Variants in SLC9C1 observed in about 807,000 individuals in gnomAD.
The protein encoded by SLC9C1 is solute carrier family 9 member C1.
SLC9C1 carries 97 observed loss-of-function variants against 140.9 expected under a neutral mutation model. That is an observed-to-expected ratio of 0.69 (90% CI 0.58 to 0.82). SLC9C1 has a LOEUF of 0.82. SLC9C1 is among the 40% of genes least tolerant of loss of function. SLC9C1 has a pLI of 0.00. For missense variants in SLC9C1, 1,340 were observed against 1,389.3 expected (o/e 0.96, Z 0.56); for synonymous variants, 440 against 442.6 (o/e 0.99, Z 0.07).
chr3:112,162,277 A>G (rs201718009), intron 26 of SLC9C1, among the ~76,000 whole-genome samples: 125 of 152,138 alleles, frequency 8.2e-4, no homozygotes, highest in African/African-American at 2.7e-3. Flanking sequence ...TCTCCTGCCT[A>G]ATTGCCCTGG....
chr3:112,168,003 C>T (rs567983163), intron 25 of SLC9C1, among the ~76,000 whole-genome samples: 4 of 152,258 alleles, frequency 2.6e-5, no homozygotes, highest in Admixed American at 2.6e-4. Context: ...TCTTGTGATC[C>T]TTTCTCACCT....
chr3:112,284,469 T>G (rs1357217943), intron 2 of SLC9C1, among the ~76,000 whole-genome samples: 1 of 152,218 alleles, frequency 6.6e-6, no homozygotes, highest in African/African-American at 2.4e-5. Context: ...TGAATTGATG[T>G]TAAGCTATCT....
chr3:112,182,331 T>C (rs1396381573), intron 20 of SLC9C1, 73 bp from the exon 21 acceptor site: 2 of 1,437,420 alleles, frequency 1.4e-6, no homozygotes, highest in Non-Finnish European at 1.9e-6. Flanking sequence ...GACAGGTCTT[T>C]GTACTATTTC....
chr3:112,176,638 A>C (rs2077342202), intron 23 of SLC9C1, among the ~76,000 whole-genome samples: 1 of 152,124 alleles, frequency 6.6e-6, no homozygotes, highest in Non-Finnish European at 1.5e-5. Flanking sequence ...GAGATTCTAG[A>C]TTATTTTATC....
chr3:112,221,308 TAAAG>T, intron 13 of SLC9C1, 83 bp from the exon 14 acceptor site: 2 of 1,149,472 alleles, frequency 1.7e-6, no homozygotes, highest in Non-Finnish European at 2.5e-6. Context: ...AAATGTGTGA[TAAAG>T]AAGTAAAAAC....
rs1203445963 is a variant in SLC9C1, at chr3:112,163,482, C to T, written c.3364+3739G>A. 5.3e-5 allele frequency among the ~76,000 whole-genome samples: 8 copies of T among 151,500 alleles called. No homozygotes were observed. In the East Asian group the frequency reaches 9.7e-4, roughly 18 times the overall value. ...TTCTGGTATGTTGTCTCTTTGTTCT[C>T]GTTGGTTTCAAAGAACATCTTTATT... On this transcript the variant is annotated intron_variant, in intron 26 of 28. Coordinates refer to ENST00000305815, the MANE Select transcript of SLC9C1 (RefSeq NM_183061.3).
chr3:112,223,118 A>G (rs1189311083), intron 13 of SLC9C1, among the ~76,000 whole-genome samples: 1 of 152,188 alleles, frequency 6.6e-6, no homozygotes, highest in African/African-American at 2.4e-5. Context: ...TATCTATAAA[A>G]GGCTTCTTGT....
In SLC9C1 at chr3:112,182,251, A is replaced by G. The variant is rs1279732751; in HGVS notation, c.2531T>C (p.Met844Thr). The change falls in exon 21 of 29, where the codon ATG becomes ACG. Residue 844 changes from methionine (M) to threonine (T), a missense_variant. Met to Thr is a moderately conservative substitution (Grantham distance 81). Coordinates refer to ENST00000305815, the MANE Select transcript of SLC9C1 (RefSeq NM_183061.3). ...TEGAGINKLI[M>T]AKKKEVLDSQ... is the part of the protein sequence containing the mutation. ...ATCAAGCACCTCTTTCTTTTTGGCC[A>G]TGATTAACTAAAACATAAAATTTAA... is the stretch of plus-strand genomic sequence containing the variant. 1.9e-6 allele frequency: 3 copies of G among 1,598,758 alleles called. No homozygotes were observed. The highest frequency in any genetic ancestry group is 4.5e-5 in the East Asian group (2 of 44,434).
intron 14 of SLC9C1, among the ~76,000 whole-genome samples, chr3:112,218,447 T>TA (rs1560083038): frequency 2.2e-4 from 1 of 4,650 alleles, no homozygotes; most frequent in African/African-American, 2.4e-4. Context: ...GTATATATAT[T>TA]TTTTTTTTTA....
chr3:112,214,170 G>T (rs2078287998), intron 15 of SLC9C1, among the ~76,000 whole-genome samples: 1 of 152,140 alleles, frequency 6.6e-6, no homozygotes, highest in Admixed American at 6.5e-5. Flanking sequence ...TAAGAACAAA[G>T]ACACAGCATA....
intron 18 of SLC9C1, among the ~76,000 whole-genome samples, chr3:112,201,199 G>A (rs1433747408): frequency 2.6e-5 from 4 of 151,852 alleles, no homozygotes; most frequent in African/African-American, 7.3e-5. Context: ...TTTCCCATTC[G>A]GCTTTATGAG....
chr3:112,268,265 C>T (rs972506680), intron 7 of SLC9C1, among the ~76,000 whole-genome samples: 1 of 152,062 alleles, frequency 6.6e-6, no homozygotes, highest in Non-Finnish European at 1.5e-5. Context: ...GATTCTGTAA[C>T]CCTCGGTATA....
chr3:112,142,534 C>G (rs2074660907), intron 28 of SLC9C1, among the ~76,000 whole-genome samples: 1 of 152,030 alleles, frequency 6.6e-6, no homozygotes, highest in South Asian at 2.1e-4. Context: ...GTCCTCCTGC[C>G]AAGAAGATTA....
intron 1 of SLC9C1, 110 bp from the exon 2 acceptor site, chr3:112,286,988 A>G (rs890302290): frequency 2.2e-6 from 1 of 457,468 alleles, no homozygotes; most frequent in East Asian, 3.7e-5. Flanking sequence ...TGGTCTGCCA[A>G]ATTTAGGGAT....
intron 13 of SLC9C1, among the ~76,000 whole-genome samples, chr3:112,229,238 A>T (rs2078758994): frequency 6.6e-6 from 1 of 152,048 alleles, no homozygotes; most frequent in African/African-American, 2.4e-5. Context: ...GTTAGATAGG[A>T]AGAATAAATT....
rs1213730973 is a variant in SLC9C1, at chr3:112,294,186, A to C, written c.-181T>G. 6.6e-6 allele frequency: 1 copy of C among 152,326 alleles called. No homozygotes were observed. Among genetic ancestry groups the C allele is most frequent in the Admixed American group, 6.5e-5 (1 of 15,276 alleles). 9.4% of individuals were successfully genotyped at this position (152,326 alleles called of 1,614,324 possible). The stretch of plus-strand genomic sequence containing the variant: ...CAGCCAAACAGCCCAGACCAACTGC[A>C]ACCTCACTGACAGTTACTTGCTCCA... On this transcript the variant is annotated 5_prime_UTR_variant, in exon 1 of 29. Transcript: ENST00000305815.
At chr3:112,193,370 A>T (rs777570916) in intron 20 of SLC9C1, among the ~76,000 whole-genome samples, 7 of 152,138 alleles carry the variant, frequency 4.6e-5, no homozygotes, top group Non-Finnish European at 8.8e-5. Flanking sequence ...CTGGTCTGGC[A>T]TGTGGGCACA....
chr3:112,167,079 A>T lies in SLC9C1; in HGVS notation c.3364+142T>A. 1.7e-5 allele frequency: 14 copies of T among 808,690 alleles called. No homozygotes were observed. In the South Asian group the frequency reaches 2.5e-4, roughly 14 times the overall value. 50.1% of individuals were successfully genotyped at this position (808,690 alleles called of 1,614,324 possible). On this transcript the variant is annotated intron_variant, in intron 26 of 28. Coordinates refer to ENST00000305815, the MANE Select transcript of SLC9C1 (RefSeq NM_183061.3). ...ACTTCAATATTGTCTGTCTGAACTC[A>T]TACATTGAATAGCAAATATGGCAGT... is the stretch of plus-strand genomic sequence containing the variant.
At chr3:112,160,620 T>C (rs2075269740) in intron 26 of SLC9C1, among the ~76,000 whole-genome samples, 1 of 151,854 alleles carries the variant, frequency 6.6e-6, no homozygotes, top group Admixed American at 6.6e-5. Flanking sequence ...TATGGCTGCA[T>C]AGTATTCCAT....
Sources: allele counts gnomAD v4.1 joint callset (sites outside exome capture counted in the v4.1 genomes callset), GRCh38; gene constraint gnomAD v4.1.1; transcripts MANE v1.5; gene names NCBI Gene and HGNC (gene_info 2026-07-23, HGNC 2026-07-21).